The following POTEJ variants were observed in gnomAD, a reference collection of about 807,000 sequenced individuals.
The protein encoded by POTEJ is POTE ankyrin domain family, member J.
A neutral mutation model predicts 69.0 loss-of-function variants in POTEJ; 11 were observed. The ratio of observed to expected loss-of-function variants is 0.16; its 90% CI spans 0.10 to 0.26. The LOEUF is 0.26. Among genes scored for constraint, POTEJ ranks in the 10% least tolerant of loss-of-function variants. The pLI is 1.00. For missense variants in POTEJ, 327 were observed against 1,045.5 expected, an observed-to-expected ratio of 0.31 and a Z score of 9.48; for synonymous variants, 117 against 381.1, an observed-to-expected ratio of 0.31 and a Z score of 8.07.
In POTEJ at chr2:130,615,584, A is replaced by G. The variant is rs576846657; in HGVS notation, c.411-1206A>G. Among the ~76,000 whole-genome samples the G allele has an allele frequency of 1.8e-4, 25 of 140,888 alleles. 4 individuals are homozygous for G. The South Asian group carries it at 3.7e-3, about 21-fold the overall frequency. The allele number at this position is 140,888 out of a possible 152,430, so 92.4% of individuals were successfully genotyped here. A position where few individuals can be genotyped will look rare whatever the true frequency, so the allele number is the denominator to read the frequency against. On this transcript the variant is annotated intron_variant, in intron 1 of 14. Transcript: ENST00000409602. ...ACACACAGATACCTAGAGGGAAGGA[A>G]CACACACTGGGGCCTATCAGAGGGT...
At chr2:130,623,695 C>A (rs1204138514) in intron 5 of POTEJ, among the ~76,000 whole-genome samples, 3 of 134,526 alleles carry the variant, frequency 2.2e-5, no homozygotes, top group Admixed American at 2.2e-4. Flanking sequence ...AATAAGGCAG[C>A]AAAGTCCTCA....
chr2:130,650,140 C>A (rs1470832553), intron 13 of POTEJ, among the ~76,000 whole-genome samples: 2 of 152,392 alleles, frequency 1.3e-5, no homozygotes, highest in South Asian at 4.1e-4. Flanking sequence ...TTCAATGAAA[C>A]AAAGTGATTT....
chr2:130,640,962 C>T lies in POTEJ; in HGVS notation c.1369+2273C>T, dbSNP rs550549231. 9.9e-5 allele frequency among the ~76,000 whole-genome samples: 15 copies of T among 152,022 alleles called. No homozygotes were observed. In the South Asian group the frequency reaches 1.5e-3, roughly 15 times the overall value. On this transcript the variant is annotated intron_variant, in intron 10 of 14. Transcript: ENST00000409602. ...ACAAGATTAAATTTGAGTATTAAGG[C>T]GTTCTGGTTATGGTGTAAAATGGGT...
At chr2:130,626,757 A>T (rs1355625203) in intron 6 of POTEJ, among the ~76,000 whole-genome samples, 3 of 152,164 alleles carry the variant, frequency 2.0e-5, no homozygotes, top group Non-Finnish European at 4.4e-5. Context: ...ATGTATTACA[A>T]GGTTTTCACC....
Position 130,623,785 on chromosome 2 carries a change from A to T in POTEJ, c.945-279A>T, listed in dbSNP as rs1409632564. Among the ~76,000 whole-genome samples the T allele has an allele frequency of 2.9e-5, 4 of 137,654 alleles. 1 individual carries two copies. Among genetic ancestry groups the T allele is most frequent in the Admixed American group, 1.4e-4 (2 of 14,128 alleles). 90.3% of individuals were successfully genotyped at this position (137,654 alleles called of 152,430 possible). A position where few individuals can be genotyped will look rare whatever the true frequency, so the allele number is the denominator to read the frequency against. The stretch of plus-strand genomic sequence containing the variant: ...GCTGTTCATTATGGAGCTAGGACTT[A>T]TGCAGAGTTGGGACACTTTCTATTA... On this transcript the variant is annotated intron_variant, in intron 5 of 14. Coordinates refer to ENST00000409602, the MANE Select transcript of POTEJ (RefSeq NM_001277083.2).
intron 10 of POTEJ, among the ~76,000 whole-genome samples, chr2:130,643,467 T>G (rs1049910618): frequency 8.1e-5 from 11 of 135,974 alleles, no homozygotes; most frequent in African/African-American, 3.0e-4. Flanking sequence ...TGCAGTGAGC[T>G]GATCATGCCA....
chr2:130,627,189 TA>T (rs1335067446), intron 6 of POTEJ, among the ~76,000 whole-genome samples: 1 of 151,532 alleles, frequency 6.6e-6, no homozygotes, highest in Non-Finnish European at 1.5e-5. Context: ...TATGCATGTT[TA>T]ATGGAAAATT....
At chr2:130,638,371 G>A (rs1345823469) in intron 9 of POTEJ, among the ~76,000 whole-genome samples, 2 of 150,682 alleles carry the variant, frequency 1.3e-5, no homozygotes, top group African/African-American at 4.9e-5. Flanking sequence ...TATTATGTCA[G>A]GCTAACGCAA....
intron 14 of POTEJ, among the ~76,000 whole-genome samples, chr2:130,655,495 G>C (rs1301207972): frequency 6.6e-6 from 1 of 152,228 alleles, no homozygotes; most frequent in Non-Finnish European, 1.5e-5. Flanking sequence ...GGAACAGTTT[G>C]CTCCAAGTAG....
chr2:130,655,381 T>A (rs1337471268), intron 14 of POTEJ, among the ~76,000 whole-genome samples: 4 of 152,198 alleles, frequency 2.6e-5, no homozygotes, highest in Admixed American at 2.0e-4. Flanking sequence ...TAAAAAATGT[T>A]AATAGAGAAG....
chr2:130,652,753 T>A (rs1686853113), intron 13 of POTEJ, among the ~76,000 whole-genome samples: 1 of 105,828 alleles, frequency 9.4e-6, no homozygotes, highest in African/African-American at 3.7e-5. Flanking sequence ...TAGTGGCCAT[T>A]CTGGCTGCAG....
At chr2:130,626,693 T>C (rs1279147320) in intron 6 of POTEJ, among the ~76,000 whole-genome samples, 4 of 152,184 alleles carry the variant, frequency 2.6e-5, no homozygotes, top group Non-Finnish European at 5.9e-5. Context: ...ACAAAGGAAG[T>C]TTTTGCAGTA....
rs1432253689 is a variant in POTEJ, at chr2:130,613,281, T to TATATATAC, written c.410+1347_410+1354dup. On this transcript the variant is annotated intron_variant, in intron 1 of 14. Transcript: ENST00000409602. Reference sequence around the variant, plus strand: ...ACATATATACATATATATACATATGTATATATACATATATATACATATGTA... The same window carrying TATATATAC: ...ACATATATACATATATATACATATGTATATATACATATATACATATATATACATATGTA... 1.8e-3 allele frequency among the ~76,000 whole-genome samples: 101 copies of TATATATAC among 55,236 alleles called. 4 individuals carry two copies. In the African/African-American group the frequency reaches 0.024, roughly 13 times the overall value. 36.2% of individuals were successfully genotyped at this position (55,236 alleles called of 152,430 possible).
intron 10 of POTEJ, among the ~76,000 whole-genome samples, chr2:130,640,324 G>T (rs945208399): frequency 7.0e-6 from 1 of 142,686 alleles, no homozygotes; most frequent in Non-Finnish European, 1.5e-5. Context: ...ACCAGAGGTT[G>T]GGAGTGAGGT....
chr2:130,628,879 C>G (rs201342045), intron 6 of POTEJ, among the ~76,000 whole-genome samples: 5 of 123,718 alleles, frequency 4.0e-5, no homozygotes, highest in Non-Finnish European at 8.6e-5. Flanking sequence ...TTAGCAGGGC[C>G]TGATGGTGCA....
chr2:130,611,230 G>A (rs1357803610), upstream of POTEJ, among the ~76,000 whole-genome samples: 11 of 128,990 alleles, frequency 8.5e-5, no homozygotes, highest in Non-Finnish European at 6.2e-5. Flanking sequence ...CCTCTCTCGC[G>A]TTCCCTTGCT....
At chr2:130,654,379 T>C (rs1313174280) in intron 13 of POTEJ, among the ~76,000 whole-genome samples, 1 of 139,694 alleles carries the variant, frequency 7.2e-6, no homozygotes, top group Non-Finnish European at 1.6e-5. Context: ...AGCCACTCTC[T>C]GTCACTCGCA....
rs185757270 is a variant in POTEJ, at chr2:130,656,039, G to A, written c.1789-510G>A. The stretch of plus-strand genomic sequence containing the variant: ...AGAAATATTAGAAATGTAGAATATC[G>A]GTAAAATGTTCTTCAGTAAAAGAAC... On this transcript the variant is annotated intron_variant, in intron 14 of 14. Coordinates refer to ENST00000409602, the MANE Select transcript of POTEJ (RefSeq NM_001277083.2). 6.2e-3 allele frequency among the ~76,000 whole-genome samples: 886 copies of A among 143,830 alleles called. 30 individuals are homozygous for A. The highest frequency in any genetic ancestry group is 0.026 in the Middle Eastern group (7 of 270). 94.4% of individuals were successfully genotyped at this position (143,830 alleles called of 152,430 possible). A position where few individuals can be genotyped will look rare whatever the true frequency, so the allele number is the denominator to read the frequency against.
At chr2:130,647,212 G>C (rs1169534275) in intron 13 of POTEJ, among the ~76,000 whole-genome samples, 3 of 151,244 alleles carry the variant, frequency 2.0e-5, no homozygotes, top group Non-Finnish European at 4.4e-5. Context: ...CGTTTAGTTT[G>C]ATGACACATC....
Sources: allele counts gnomAD v4.1 joint callset (sites outside exome capture counted in the v4.1 genomes callset), GRCh38; gene constraint gnomAD v4.1.1; transcripts MANE v1.5; gene names NCBI Gene and HGNC (gene_info 2026-07-23, HGNC 2026-07-21).